Variants in NLRC4 observed in about 807,000 individuals in gnomAD.
NLRC4 encodes NLR family CARD domain-containing protein 4.
Under a neutral mutation model 79.9 loss-of-function variants are expected in NLRC4, and 63 were observed. The ratio of observed to expected loss-of-function variants is 0.79; its 90% CI spans 0.64 to 0.97. NLRC4 has a LOEUF of 0.97. Among genes scored for constraint, NLRC4 ranks in the 50% least tolerant of loss-of-function variants. The probability of loss-of-function intolerance (pLI) is 0.00; values close to 1 mark genes in which losing one functional copy is unlikely to be tolerated. For synonymous variants in NLRC4, 461 were observed against 456.5 expected (o/e 1.01, Z -0.12); for missense variants, 1,074 against 1,215.2 (o/e 0.88, Z 1.73).
intron 4 of NLRC4, 46 bp downstream of exon 4, chr2:32,249,560 AT>A (rs768744114): frequency 1.2e-3 from 1,653 of 1,370,720 alleles, no homozygotes; most frequent in Non-Finnish European, 1.4e-3. Context: ...ATACACTGTT[AT>A]TTTTTTTTAA....
chr2:32,233,260 C>T (rs1452656759), intron 8 of NLRC4, among the ~76,000 whole-genome samples: 1 of 143,878 alleles, frequency 7.0e-6, no homozygotes, highest in South Asian at 2.2e-4. Context: ...ACTGCTTTCA[C>T]TGTATCCCAT....
In NLRC4 at chr2:32,261,118, G is replaced by A. The variant is rs535544249; in HGVS notation, c.-119+3620C>T. Among the ~76,000 whole-genome samples, 14 of 150,294 alleles carry A rather than the reference G, an allele frequency of 9.3e-5. 1 individual carries two copies. The East Asian group carries it at 1.6e-3, about 17-fold the overall frequency. On this transcript the variant is annotated intron_variant, in intron 1 of 8. Coordinates refer to ENST00000402280, the MANE Select transcript of NLRC4 (RefSeq NM_001199138.2). ...TGAGGCAGGAGAATGGCGTGAACCC[G>A]GGGGGCGGAGCTTGCAGTGAGCCGA... is the stretch of plus-strand genomic sequence containing the variant.
chr2:32,245,912 G>T (rs1686924605), intron 4 of NLRC4, among the ~76,000 whole-genome samples: 2 of 152,190 alleles, frequency 1.3e-5, no homozygotes, highest in South Asian at 4.1e-4. Flanking sequence ...GGCCAGGTGT[G>T]GTGGCTCACA....
intron 1 of NLRC4, among the ~76,000 whole-genome samples, chr2:32,261,316 C>CCTTTTTTTTTTTTTTTTTTTTT: frequency 4.1e-5 from 4 of 96,884 alleles, no homozygotes; most frequent in African/African-American, 1.2e-4. Context: ...AGCCTCCCCC[C>CCTTTTTTTTTTTTTTTTTTTTT]TTTTGTTTTT....
chr2:32,245,967 T>TG (rs1686926284), intron 4 of NLRC4, among the ~76,000 whole-genome samples: 1 of 152,062 alleles, frequency 6.6e-6, no homozygotes, highest in Admixed American at 6.5e-5. Context: ...GTGGATCACC[T>TG]GAGGTTGGGA....
In NLRC4 at chr2:32,235,500, T is replaced by G; in HGVS notation, c.2683A>C (p.Ser895Arg). 1 of 1,614,096 alleles carries G rather than the reference T, an allele frequency of 6.2e-7. No homozygotes were observed. Among genetic ancestry groups the G allele is most frequent in the Non-Finnish European group, 8.5e-7 (1 of 1,179,902 alleles). The change falls in exon 8 of 9, where the codon AGC (serine) becomes CGC (arginine). Residue 895 changes from serine to arginine, a missense_variant. Physicochemically the swap from Ser to Arg is moderately radical, Grantham distance 110. Transcript: ENST00000402280. ...AAATGTTTCAACAGGCTGCTCAGGC[T>G]GCCTTGCACGTCACAGCCCCAGGGC... is the stretch of plus-strand genomic sequence containing the variant. ...MLPWGCDVQGSLSSLLKHLEE... is the reference protein window; with the variant it reads ...MLPWGCDVQGRLSSLLKHLEE...
chr2:32,251,406 G>A lies in NLRC4; in HGVS notation c.458C>T (p.Thr153Ile). 2 of 1,614,108 alleles carry A rather than the reference G, an allele frequency of 1.2e-6. No homozygotes were observed. The highest frequency in any genetic ancestry group is 1.7e-6 in the Non-Finnish European group (2 of 1,179,998). The change falls in exon 4 of 9, where the codon ACC becomes ATC. Residue 153 changes from threonine to isoleucine, a missense_variant. Thr to Ile is a moderately conservative substitution (Grantham distance 89). Transcript: ENST00000402280. The stretch of plus-strand genomic sequence containing the variant: ...AAGAGCCTGCAGGAGGCCATTCAGG[G>A]TCAGCTGCTCCACGCGGTGATGGTG... ...DQHHHRVEQL[T>I]LNGLLQALQS...
chr2:32,247,299 ATATT>A (rs1025642731), intron 4 of NLRC4, among the ~76,000 whole-genome samples: 3 of 150,460 alleles, frequency 2.0e-5, no homozygotes, highest in Non-Finnish European at 4.4e-5. Context: ...ACCTGCGTAT[ATATT>A]TATTTTTTTT....
Position 32,250,239 on chromosome 2 carries a change from T to C in NLRC4, c.1625A>G (p.Glu542Gly), listed in dbSNP as rs1319552496. The change falls in exon 4 of 9, where the codon GAG (glutamate) becomes GGG (glycine). Residue 542 changes from glutamate (E) to glycine (G), a missense_variant. Transcript: ENST00000402280. The surrounding 1 kb of genome is among the most constrained non-coding windows in gnomAD (Gnocchi z 4.9). ...ESLQSVKNTTEQEILKAININ... is the reference protein window; with the variant it reads ...ESLQSVKNTTGQEILKAININ... ...GTTTATGGCTTTCAGAATTTCTTGC[T>C]CAGTGGTGTTTTTCACACTTTGCAA... is the stretch of plus-strand genomic sequence containing the variant. The C allele has an allele frequency of 1.2e-5, 19 of 1,614,220 alleles. No homozygotes were observed. Among genetic ancestry groups the C allele is most frequent in the African/African-American group, 1.3e-5 (1 of 75,058 alleles).
At chr2:32,244,468 G>A (rs1686882796) in intron 4 of NLRC4, among the ~76,000 whole-genome samples, 2 of 151,898 alleles carry the variant, frequency 1.3e-5, no homozygotes, top group Admixed American at 6.6e-5. Flanking sequence ...TTCTCCCTAA[G>A]GTCAGGAACA....
At position 32,262,280 on chromosome 2, in the gene NLRC4, T is replaced by C. The variant is rs575118717; in HGVS notation, c.-119+2458A>G. ...CGGCAACTGTAGATTCTTCTCTCCCTTTCTACTTCCCCAAAAAGGGGTGGG... is the reference window on the plus strand; with the variant it reads ...CGGCAACTGTAGATTCTTCTCTCCCCTTCTACTTCCCCAAAAAGGGGTGGG... On this transcript the variant is annotated intron_variant, in intron 1 of 8. Coordinates refer to ENST00000402280, the MANE Select transcript of NLRC4 (RefSeq NM_001199138.2). 5.3e-3 allele frequency among the ~76,000 whole-genome samples: 801 copies of C among 152,186 alleles called. 9 individuals carry two copies. The highest frequency in any genetic ancestry group is 9.0e-3 in the Non-Finnish European group (610 of 68,014).
chr2:32,228,793 G>A (rs1225248431), intron 8 of NLRC4, among the ~76,000 whole-genome samples: 1 of 151,568 alleles, frequency 6.6e-6, no homozygotes, highest in Non-Finnish European at 1.5e-5. Flanking sequence ...TTTTGAGACA[G>A]GTTCTGGCTC....
Position 32,252,655 on chromosome 2 carries a change from C to T in NLRC4, c.26G>A (p.Arg9Gln), listed in dbSNP as rs374574191. The part of the protein sequence containing the change: MNFIKDNS[R>Q]ALIQRMGMTV... ...CATTCCCATTCTTTGAATAAGGGCT[C>T]GGCTATTGTCCTTTATGAAATTCAC... is the stretch of plus-strand genomic sequence containing the variant. Residue 9 changes from arginine to glutamine, a missense_variant, in exon 3 of 9, where the codon CGA becomes CAA. Transcript: ENST00000402280. 3.0e-5 allele frequency: 49 copies of T among 1,613,052 alleles called. No individual in the cohort carries two copies. The highest frequency in any genetic ancestry group is 2.7e-4 in the African/African-American group (20 of 74,874).
chr2:32,232,941 A>AGGGAAGGTCGTTGAAG (rs1178114972), intron 8 of NLRC4, among the ~76,000 whole-genome samples: 1 of 151,968 alleles, frequency 6.6e-6, no homozygotes, highest in African/African-American at 2.4e-5. Flanking sequence ...GGAGAGTGGA[A>AGGGAAGGTCGTTGAAG]GGGAAGGTCG....
chr2:32,224,597 A>G lies in NLRC4; in HGVS notation c.2951T>C (p.Val984Ala), dbSNP rs1573460915. Residue 984 changes from valine (V) to alanine (A), a missense_variant, in exon 9 of 9, where the codon GTC becomes GCC. By Grantham distance (64) the Val-to-Ala change is moderately conservative. Transcript: ENST00000402280. ...TKEFLPDPAL[V>A]RKLSQVLSKL... ...GGATAACACTTGGCTAAGTTTTCTG[A>G]CTAATGCTGGATCAGGTAGAAATTC... 10 of 1,613,940 alleles carry G rather than the reference A, an allele frequency of 6.2e-6. No individual in the cohort carries two copies. The highest frequency in any genetic ancestry group is 8.5e-6 in the Non-Finnish European group (10 of 1,179,846).
intron 8 of NLRC4, among the ~76,000 whole-genome samples, chr2:32,228,329 C>A (rs1337013474): frequency 6.6e-6 from 1 of 152,102 alleles, no homozygotes; most frequent in Non-Finnish European, 1.5e-5. Context: ...GAACTGCCCC[C>A]CGGGAAAAGG....
intron 2 of NLRC4, among the ~76,000 whole-genome samples, chr2:32,254,200 A>G (rs1687151652): frequency 6.6e-6 from 1 of 152,014 alleles, no homozygotes; most frequent in Admixed American, 6.6e-5. Context: ...GGGATTCCTC[A>G]TCTGTACAAT....
chr2:32,246,109 G>A (rs557683242), intron 4 of NLRC4, among the ~76,000 whole-genome samples: 7 of 152,252 alleles, frequency 4.6e-5, no homozygotes, highest in Admixed American at 2.0e-4. Flanking sequence ...GCTTGAATCC[G>A]GGAGGTGGAG....
At chr2:32,231,300 A>G (rs370729458) in intron 8 of NLRC4, among the ~76,000 whole-genome samples, 6 of 151,518 alleles carry the variant, frequency 4.0e-5, no homozygotes, top group African/African-American at 9.7e-5. Context: ...GATTACAGGT[A>G]TGTGCCACCA....
Sources: gnomAD v4.1 joint callset for allele counts (sites outside exome capture counted in the v4.1 genomes callset) on GRCh38, gnomAD v4.1.1 for gene constraint, Gnocchi (gnomAD v3.1) non-coding constraint, MANE v1.5 for transcripts, NCBI Gene and HGNC (gene_info 2026-07-23, HGNC 2026-07-21) for gene names.